FARP1: variants seen among roughly 807,000 people sequenced by gnomAD.
The protein encoded by FARP1 is FERM, ARHGEF and pleckstrin domain-containing protein 1.
A neutral mutation model predicts 128.8 loss-of-function variants in FARP1; 52 were observed. The observed-to-expected ratio is 0.40, with a 90% CI of 0.32 to 0.51. The LOEUF is 0.51. Among genes scored for constraint, FARP1 ranks in the 20% least tolerant of loss-of-function variants. The probability of loss-of-function intolerance (pLI) is 0.45; values close to 1 mark genes in which losing one functional copy is unlikely to be tolerated. For missense variants in FARP1, 1,333 were observed against 1,367.9 expected, an observed-to-expected ratio of 0.97 and a Z score of 0.40; for synonymous variants, 580 against 551.8, an observed-to-expected ratio of 1.05 and a Z score of -0.72.
intron 2 of FARP1, among the ~76,000 whole-genome samples, chr13:98,343,482 T>TA (rs1449298427): frequency 6.6e-6 from 1 of 152,114 alleles, no homozygotes; most frequent in African/African-American, 2.4e-5. Context: ...AAAACTACTC[T>TA]AAAAAAATAG....
chr13:98,297,436 T>C (rs1885746016), intron 2 of FARP1, among the ~76,000 whole-genome samples: 2 of 152,256 alleles, frequency 1.3e-5, no homozygotes, highest in Admixed American at 1.3e-4. Context: ...CATTTGGGAT[T>C]CAAGATTGGC....
chr13:98,272,967 G>A (rs1454056016), intron 2 of FARP1, among the ~76,000 whole-genome samples: 1 of 152,186 alleles, frequency 6.6e-6, no homozygotes, highest in Admixed American at 6.5e-5. Context: ...TTCTAAAGAG[G>A]TATATTCTGA....
chr13:98,385,611 A>G (rs1351001908), intron 7 of FARP1, 56 bp from the exon 8 acceptor site: 6 of 1,587,766 alleles, frequency 3.8e-6, no homozygotes, highest in Non-Finnish European at 5.2e-6. Context: ...TCTCAAATTA[A>G]TAGATACAGG....
intron 2 of FARP1, among the ~76,000 whole-genome samples, chr13:98,312,359 T>G (rs1203144085): frequency 6.6e-6 from 1 of 151,962 alleles, no homozygotes; most frequent in Non-Finnish European, 1.5e-5. Flanking sequence ...CAGGATGGTC[T>G]CAATCTCCTG....
intron 2 of FARP1, among the ~76,000 whole-genome samples, chr13:98,228,302 G>A (rs1283336236): frequency 3.9e-5 from 6 of 152,196 alleles, no homozygotes; most frequent in Non-Finnish European, 7.3e-5. Context: ...GGAGGCTGCC[G>A]TGAGCCAAGA....
chr13:98,272,060 C>T lies in FARP1; in HGVS notation c.171+58647C>T, dbSNP rs145368774. Reference sequence around the variant, plus strand: ...TCTTTTTCTTTTTGAGGTGTAGTCTCGCTCTGTCTCCCAGGCTAGAGTGCA... The same window carrying T: ...TCTTTTTCTTTTTGAGGTGTAGTCTTGCTCTGTCTCCCAGGCTAGAGTGCA... On this transcript the variant is annotated intron_variant, in intron 2 of 26. Coordinates refer to ENST00000319562, the MANE Select transcript of FARP1 (RefSeq NM_005766.4). 1.2e-3 allele frequency among the ~76,000 whole-genome samples: 178 copies of T among 149,024 alleles called. 2 individuals are homozygous for T. The East Asian group carries it at 0.031, about 26-fold the overall frequency.
chr13:98,384,880 C>A (rs769475411), intron 7 of FARP1, 36 bp downstream of exon 7: 2 of 1,325,522 alleles, frequency 1.5e-6, no homozygotes, highest in South Asian at 1.2e-5. Flanking sequence ...TCCCTCTGAG[C>A]CGGTTCTCTC....
chr13:98,415,449 GTGAATGAATGAA>G (rs922974340), intron 16 of FARP1, among the ~76,000 whole-genome samples: 1 of 112,074 alleles, frequency 8.9e-6, no homozygotes, highest in Non-Finnish European at 1.7e-5. Context: ...GAATGAATGA[GTGAATGAATGAA>G]TGAATGAGTA....
intron 13 of FARP1, chr13:98,399,622 A>G (rs1890683480): frequency 6.6e-6 from 1 of 152,190 alleles, no homozygotes; most frequent in African/African-American, 2.4e-5. Flanking sequence ...TTTCTAGGAC[A>G]ATAGCTAGTG....
chr13:98,293,734 T>C (rs1885545099), intron 2 of FARP1, among the ~76,000 whole-genome samples: 1 of 152,142 alleles, frequency 6.6e-6, no homozygotes, highest in African/African-American at 2.4e-5. Flanking sequence ...TCCCTGAGCC[T>C]AGAGAAAGGC....
At chr13:98,326,138 G>A (rs10492709) in intron 2 of FARP1, among the ~76,000 whole-genome samples, 5,934 of 152,194 alleles carry the variant, frequency 0.039, 183 homozygotes, top group African/African-American at 0.089. Flanking sequence ...ATATGCAAAA[G>A]GACAATCAGT....
chr13:98,296,712 G>C (rs1885713543), intron 2 of FARP1, among the ~76,000 whole-genome samples: 1 of 118,050 alleles, frequency 8.5e-6, no homozygotes, highest in Non-Finnish European at 1.7e-5. Flanking sequence ...TTTTTCCTGA[G>C]ACAGAATCTC....
Position 98,431,264 on chromosome 13 carries a change from C to A in FARP1, c.2127C>A (p.Asp709Glu). 6.3e-7 allele frequency: 1 copy of A among 1,589,872 alleles called. No homozygotes were observed. The highest frequency in any genetic ancestry group is 8.6e-7 in the Non-Finnish European group (1 of 1,168,872). Residue 709 changes from aspartate to glutamate, a missense_variant, in exon 18 of 27, where the codon GAC becomes GAA. Physicochemically the swap from Asp to Glu is conservative, Grantham distance 45. This residue lies in a region of FARP1 where 1,009 missense variants were observed against 969.8 expected (regional missense o/e 1.04). Coordinates refer to ENST00000319562, the MANE Select transcript of FARP1 (RefSeq NM_005766.4). ...AACACCACCCGCCGAGCCACGCCGA[C>A]TTCAGGGACTGCCGAGGTGAGTGCT... ...LCKHHPPSHA[D>E]FRDCRAALAE... is the part of the protein sequence containing the mutation.
At chr13:98,434,718 G>A (rs1275735356) in intron 18 of FARP1, 1 of 152,260 alleles carries the variant, frequency 6.6e-6, no homozygotes, top group East Asian at 1.9e-4. Context: ...ATAAAGGCCT[G>A]ATGTGGTGGC....
chr13:98,373,535 C>CAG (rs373038953), intron 5 of FARP1, among the ~76,000 whole-genome samples: 4,147 of 56,520 alleles, frequency 0.073, 100 homozygotes, highest in African/African-American at 0.13. Flanking sequence ...GACAGACAGA[C>CAG]ACACACACAC....
chr13:98,349,488 A>G (rs981311985), intron 3 of FARP1, among the ~76,000 whole-genome samples: 15 of 152,068 alleles, frequency 9.9e-5, no homozygotes, highest in African/African-American at 3.6e-4. Flanking sequence ...CCTGGCCAAC[A>G]TGGTGAAACC....
At chr13:98,270,072 T>A (rs1037330567) in intron 2 of FARP1, among the ~76,000 whole-genome samples, 3 of 152,254 alleles carry the variant, frequency 2.0e-5, no homozygotes, top group African/African-American at 7.2e-5. Context: ...TGAATCTAAC[T>A]GAAAGGCTTT....
In FARP1 at chr13:98,176,860, G is replaced by A. The variant is rs778896186; in HGVS notation, c.-24+33368G>A. The A allele has an allele frequency of 1.2e-6, 2 of 1,609,854 alleles. No homozygotes were observed. Among genetic ancestry groups the A allele is most frequent in the South Asian group, 1.1e-5 (1 of 91,054 alleles). On this transcript the variant is annotated intron_variant, in intron 1 of 26. Transcript: ENST00000319562. The surrounding 1 kb of genome is among the most constrained non-coding windows in gnomAD (Gnocchi z 6.2). The stretch of plus-strand genomic sequence containing the variant: ...GACCCGCTGGCTGCACTTGAGGATG[G>A]TCGGCGTATGGTGCTCCTTCTCGGT...
At chr13:98,440,581 G>GC (rs1892482707) in intron 23 of FARP1, 89 bp from the exon 24 acceptor site, 1 of 1,382,830 alleles carries the variant, frequency 7.2e-7, no homozygotes. Context: ...ACTGCTGTGA[G>GC]CCCCCCAACC....
Sources: gnomAD v4.1 joint callset for allele counts (sites outside exome capture counted in the v4.1 genomes callset) on GRCh38, gnomAD v4.1.1 for gene constraint, gnomAD v4.1.1 regional missense constraint, Gnocchi (gnomAD v3.1) non-coding constraint, MANE v1.5 for transcripts, NCBI Gene and HGNC (gene_info 2026-07-23, HGNC 2026-07-21) for gene names.